The following EML1 variants were observed in gnomAD, a reference collection of about 807,000 sequenced individuals.
The protein encoded by EML1 is echinoderm microtubule-associated protein-like 1.
EML1 carries 27 observed loss-of-function variants against 110.4 expected under a neutral mutation model. The observed-to-expected ratio is 0.24, with a 90% CI of 0.18 to 0.34. The LOEUF is 0.34. Ranked by LOEUF, EML1 falls within the 10% of genes least tolerant of loss-of-function variation. The pLI is 1.00. For synonymous variants in EML1, 344 were observed against 385.8 expected, an observed-to-expected ratio of 0.89 and a Z score of 1.27; for missense variants, 741 against 1,030.9, an observed-to-expected ratio of 0.72 and a Z score of 3.85.
chr14:99,831,432 A>C (rs531568421), intron 1 of EML1, among the ~76,000 whole-genome samples: 1 of 152,328 alleles, frequency 6.6e-6, no homozygotes, highest in East Asian at 1.9e-4. Context: ...GCCCACTGGC[A>C]TCACTCCTGT....
chr14:99,930,527 G>T (rs2060348922), intron 17 of EML1, among the ~76,000 whole-genome samples: 2 of 152,316 alleles, frequency 1.3e-5, no homozygotes, highest in South Asian at 4.1e-4. Context: ...GTCATTTATG[G>T]ACTATTTTAT....
At chr14:99,805,628 C>A (rs2057957484) in intron 1 of EML1, among the ~76,000 whole-genome samples, 1 of 152,066 alleles carries the variant, frequency 6.6e-6, no homozygotes, top group South Asian at 2.1e-4. Context: ...GCACATGCCA[C>A]CGTGCCCAGC....
intron 1 of EML1, among the ~76,000 whole-genome samples, chr14:99,836,347 A>T (rs2058540969): frequency 6.6e-6 from 1 of 152,180 alleles, no homozygotes; most frequent in Non-Finnish European, 1.5e-5. Context: ...GGTTCGTAGG[A>T]AAGTAGTTGA....
At chr14:99,786,456 G>A (rs981043139) in intron 1 of EML1, among the ~76,000 whole-genome samples, 1 of 152,188 alleles carries the variant, frequency 6.6e-6, no homozygotes, top group African/African-American at 2.4e-5. Context: ...GGGCATTAGG[G>A]GTATATCATC....
chr14:99,847,873 C>G (rs941630236), intron 1 of EML1, among the ~76,000 whole-genome samples: 7 of 151,444 alleles, frequency 4.6e-5, no homozygotes, highest in Non-Finnish European at 1.0e-4. Flanking sequence ...CATATACTTT[C>G]AATCTATCTG....
intron 1 of EML1, among the ~76,000 whole-genome samples, chr14:99,786,369 C>G (rs568705663): frequency 2.0e-5 from 3 of 152,316 alleles, no homozygotes; most frequent in African/African-American, 7.2e-5. Flanking sequence ...AATGGGCAAC[C>G]ACTTTTGTCC....
chr14:99,930,585 ACAAC>A (rs2060350109), intron 17 of EML1, among the ~76,000 whole-genome samples: 1 of 152,244 alleles, frequency 6.6e-6, no homozygotes, highest in Non-Finnish European at 1.5e-5. Context: ...AAAGTTTATC[ACAAC>A]CAGTCAGCTA....
At chr14:99,930,373 G>A (rs560128014) in intron 17 of EML1, among the ~76,000 whole-genome samples, 13 of 152,332 alleles carry the variant, frequency 8.5e-5, no homozygotes, top group African/African-American at 2.6e-4. Flanking sequence ...GCACACGCCT[G>A]GAACGCAACC....
chr14:99,851,157 C>A, intron 2 of EML1, 122 bp downstream of exon 2: 1 of 1,103,104 alleles, frequency 9.1e-7, no homozygotes, highest in Non-Finnish European at 1.3e-6. Flanking sequence ...AACAATAAAA[C>A]AGTCTTAGCA....
intron 16 of EML1, among the ~76,000 whole-genome samples, chr14:99,919,442 A>T (rs1314457626): frequency 6.7e-6 from 1 of 148,280 alleles, no homozygotes; most frequent in African/African-American, 2.5e-5. Context: ...ACACACACAC[A>T]CACACACACA....
chr14:99,756,388 C>G (rs778007188), intron 1 of EML1, among the ~76,000 whole-genome samples: 1 of 152,194 alleles, frequency 6.6e-6, no homozygotes, highest in African/African-American at 2.4e-5. Flanking sequence ...AAGGCCACTC[C>G]GGCCTATTGC....
Position 99,909,374 on chromosome 14 carries a change from T to A in EML1, c.1134T>A (p.Asp378Glu), listed in dbSNP as rs775460140. 4.3e-6 allele frequency: 7 copies of A among 1,614,062 alleles called. No homozygotes were observed. In the South Asian group the frequency reaches 7.7e-5, roughly 18 times the overall value. ...KCSNEAVFAA[D>E]FHPTDTNIIV... is the part of the protein sequence containing the mutation. ...CTAATGAAGCTGTGTTTGCTGCGGA[T>A]TTCCACCCCACGGACACCAACATCA... Residue 378 changes from aspartate (D) to glutamate (E), a missense_variant, in exon 11 of 22, where the codon GAT becomes GAA. Coordinates refer to ENST00000262233, the MANE Select transcript of EML1 (RefSeq NM_004434.3).
chr14:99,758,549 T>C (rs1373021000), intron 1 of EML1, among the ~76,000 whole-genome samples: 2 of 152,202 alleles, frequency 1.3e-5, no homozygotes, highest in Non-Finnish European at 2.9e-5. Context: ...ATCATTCTCT[T>C]CAAAGCAAGT....
chr14:99,877,430 C>T (rs529031175), intron 3 of EML1, among the ~76,000 whole-genome samples: 53 of 152,286 alleles, frequency 3.5e-4, no homozygotes, highest in South Asian at 1.5e-3. Context: ...CTCATGCCTA[C>T]GAATCCCCTG....
At chr14:99,815,084 A>G in intron 1 of EML1, among the ~76,000 whole-genome samples, 1 of 149,126 alleles carries the variant, frequency 6.7e-6, no homozygotes, top group East Asian at 2.0e-4. Flanking sequence ...AGTCATTTTG[A>G]TATCTGCGAG....
intron 1 of EML1, among the ~76,000 whole-genome samples, chr14:99,780,990 C>G (rs1306310055): frequency 6.6e-6 from 1 of 152,130 alleles, no homozygotes; most frequent in African/African-American, 2.4e-5. Flanking sequence ...TGGTTGAAGC[C>G]TCACATTTCC....
At chr14:99,748,935 T>C (rs771553599) in intron 1 of EML1, among the ~76,000 whole-genome samples, 1 of 152,248 alleles carries the variant, frequency 6.6e-6, no homozygotes, top group East Asian at 1.9e-4. Flanking sequence ...TGTGCCTGGA[T>C]TCTCTCGCTT....
intron 1 of EML1, among the ~76,000 whole-genome samples, chr14:99,776,370 G>T (rs1429691764): frequency 6.6e-6 from 1 of 152,080 alleles, no homozygotes; most frequent in Non-Finnish European, 1.5e-5. Flanking sequence ...AGGGTGTGGT[G>T]GTGGGCACCA....
intron 1 of EML1, among the ~76,000 whole-genome samples, chr14:99,835,033 G>C (rs1451542131): frequency 6.6e-6 from 1 of 151,772 alleles, no homozygotes; most frequent in East Asian, 1.9e-4. Flanking sequence ...TGTTACCCAG[G>C]CAAGTCTCAA....
Sources: allele counts gnomAD v4.1 joint callset (sites outside exome capture counted in the v4.1 genomes callset), GRCh38; gene constraint gnomAD v4.1.1; transcripts MANE v1.5; gene names NCBI Gene and HGNC (gene_info 2026-07-23, HGNC 2026-07-21).